The following NDRG4 variants were observed in gnomAD, a reference collection of about 807,000 sequenced individuals.
NDRG4 encodes protein NDRG4.
Under a neutral mutation model 55.8 loss-of-function variants are expected in NDRG4, and 38 were observed. The ratio of observed to expected loss-of-function variants is 0.68; its 90% CI spans 0.53 to 0.89. The LOEUF is 0.89. Ranked by LOEUF, NDRG4 falls within the 40% of genes least tolerant of loss-of-function variation. The pLI is 0.00. For missense variants in NDRG4, 455 were observed against 468.6 expected (o/e 0.97, Z 0.27); for synonymous variants, 190 against 182.7 (o/e 1.04, Z -0.32).
Position 58,510,698 on chromosome 16 carries a change from C to A in NDRG4, c.904+15C>A. The stretch of plus-strand genomic sequence containing the variant: ...TGGAGGAGCAGGTAGCCCCACGGCC[C>A]TTCCCCTGATGCATGGACGCCCAGC... On this transcript the variant is annotated intron_variant, in intron 14 of 14. Transcript: ENST00000570248. The A allele has an allele frequency of 2.0e-6, 3 of 1,535,838 alleles. No individual in the cohort carries two copies. The highest frequency in any genetic ancestry group is 2.6e-6 in the Non-Finnish European group (3 of 1,146,728).
chr16:58,474,462 C>T lies in NDRG4; in HGVS notation c.-24+10665C>T, dbSNP rs76237400. Among the ~76,000 whole-genome samples the T allele has an allele frequency of 6.6e-3, 1,005 of 152,302 alleles. 12 individuals are homozygous for T. Among genetic ancestry groups the T allele is most frequent in the African/African-American group, 0.023 (973 of 41,546 alleles). On this transcript the variant is annotated intron_variant, in intron 1 of 15. Transcript: ENST00000258187. ...TTCCCGGACATCCCAACGCTCGCTC[C>T]TGGATCTCCTTCAAGTCTTGCTTGC...
chr16:58,504,086 G>A (rs1483842547), intron 2 of NDRG4, 68 bp from the exon 3 acceptor site: 1 of 1,603,596 alleles, frequency 6.2e-7, no homozygotes, highest in East Asian at 2.2e-5. Flanking sequence ...CCTGCCCTCT[G>A]GGGGCCCGGC....
At chr16:58,475,119 TC>T in intron 1 of NDRG4, among the ~76,000 whole-genome samples, 1 of 152,346 alleles carries the variant, frequency 6.6e-6, no homozygotes, top group East Asian at 1.9e-4. Flanking sequence ...TTTCATTGAC[TC>T]AGTTTACCTG....
Position 58,493,756 on chromosome 16 carries a change from G to A in NDRG4, c.73-1208G>A, listed in dbSNP as rs528246374. On this transcript the variant is annotated intron_variant, in intron 2 of 15. Coordinates refer to the NDRG4 transcript ENST00000258187. ...GGGGCAGAGAGGTTTCTAGGCAGAC[G>A]CAGGGGAAGGCAAGGCAGAACCTGT... Among the ~76,000 whole-genome samples the A allele has an allele frequency of 2.6e-5, 4 of 152,328 alleles. No individual in the cohort carries two copies. The East Asian group carries it at 5.8e-4, about 22-fold the overall frequency.
chr16:58,494,991 G>T, exon 3 of NDRG4: 1 of 1,613,612 alleles, frequency 6.2e-7, no homozygotes, highest in Non-Finnish European at 8.5e-7. Flanking sequence ...CCTCTTGGCT[G>T]CAGACACAGA....
chr16:58,474,060 A>G, intron 1 of NDRG4, among the ~76,000 whole-genome samples: 1 of 103,778 alleles, frequency 9.6e-6, no homozygotes, highest in African/African-American at 3.9e-5. Flanking sequence ...TTTTTGAGAG[A>G]GAATCTCTCT....
At chr16:58,514,707 A>G (rs899333086), downstream of NDRG4, among the ~76,000 whole-genome samples, 53 of 136,328 alleles carry the variant, frequency 3.9e-4, no homozygotes, top group Non-Finnish European at 6.8e-4. Context: ...GCACCACTGC[A>G]CTCCAGCCTG....
At chr16:58,467,927 G>C (rs1191766849) in intron 1 of NDRG4, among the ~76,000 whole-genome samples, 2 of 152,210 alleles carry the variant, frequency 1.3e-5, no homozygotes, top group African/African-American at 4.8e-5. Flanking sequence ...CTGTGCTCCA[G>C]TTTCCAGATT....
At chr16:58,510,561 G>A (rs1251214103) in intron 13 of NDRG4, 84 bp from the exon 14 acceptor site, 3 of 1,180,926 alleles carry the variant, frequency 2.5e-6, no homozygotes, top group South Asian at 1.3e-5. Flanking sequence ...TCATCTCAAT[G>A]CCCTTGACTC....
chr16:58,511,004 C>T (rs2038731229), intron 14 of NDRG4: 2 of 509,022 alleles, frequency 3.9e-6, no homozygotes, highest in Admixed American at 3.3e-5. Flanking sequence ...CAGGAGAGTT[C>T]CGGAGGGTAG....
intron 1 of NDRG4, among the ~76,000 whole-genome samples, chr16:58,471,803 C>T (rs948245055): frequency 4.8e-4 from 73 of 152,252 alleles, no homozygotes; most frequent in Middle Eastern, 3.4e-3. Context: ...CCACCCTAGG[C>T]AGTGAGCTGG....
exon 2 of NDRG4, chr16:58,487,769 C>T: frequency 6.5e-7 from 1 of 1,543,018 alleles, no homozygotes; most frequent in Non-Finnish European, 8.7e-7. Context: ...TCCTGCTCCA[C>T]GACGTGACCA....
At chr16:58,484,660 C>G (rs2034861293) in intron 1 of NDRG4, among the ~76,000 whole-genome samples, 2 of 152,098 alleles carry the variant, frequency 1.3e-5, no homozygotes, top group African/African-American at 4.8e-5. Flanking sequence ...TTGTCTGCAC[C>G]AGGAGCTGGG....
At chr16:58,492,721 C>T (rs924103396) in intron 2 of NDRG4, among the ~76,000 whole-genome samples, 1 of 152,088 alleles carries the variant, frequency 6.6e-6, no homozygotes, top group African/African-American at 2.4e-5. Context: ...TTTTTGTTAG[C>T]TTTTGCTTGT....
intron 14 of NDRG4, 103 bp from the exon 15 acceptor site, chr16:58,511,319 C>T (rs1193392890): frequency 7.4e-6 from 10 of 1,350,906 alleles, no homozygotes; most frequent in East Asian, 2.3e-5. Context: ...TTTGTGCCTT[C>T]GAGGAACGGT....
chr16:58,509,481 GT>G, intron 13 of NDRG4, 129 bp downstream of exon 13: 1 of 962,766 alleles, frequency 1.0e-6, no homozygotes, highest in Non-Finnish European at 1.5e-6. Context: ...AAGCATAGGA[GT>G]TTTGTGTGAC....
intron 5 of NDRG4, 176 bp downstream of exon 5, chr16:58,504,825 T>C: frequency 3.1e-6 from 2 of 640,580 alleles, no homozygotes; most frequent in Non-Finnish European, 5.4e-6. Context: ...CCAGGGAAAT[T>C]AACTTTTTTA....
At chr16:58,506,199 A>G (rs1199497084) in intron 5 of NDRG4, 188 bp from the exon 6 acceptor site, 3 of 685,494 alleles carry the variant, frequency 4.4e-6, no homozygotes, top group East Asian at 2.8e-5. Context: ...GAGATTCTAA[A>G]TAAATCCAAG....
upstream of NDRG4, among the ~76,000 whole-genome samples, chr16:58,498,382 G>T (rs2036643409): frequency 6.6e-6 from 1 of 152,190 alleles, no homozygotes; most frequent in Non-Finnish European, 1.5e-5. Flanking sequence ...AGATGGAATA[G>T]GTGCCCCCAG....
Sources: allele counts gnomAD v4.1 joint callset (sites outside exome capture counted in the v4.1 genomes callset), GRCh38; gene constraint gnomAD v4.1.1; transcripts MANE v1.5; gene names NCBI Gene and HGNC (gene_info 2026-07-23, HGNC 2026-07-21).